IFT52: variants seen among roughly 807,000 people sequenced by gnomAD.
IFT52 encodes the protein intraflagellar transport 52.
In IFT52, 44 loss-of-function variants were observed where a neutral mutation model predicts 54.4. The ratio of observed to expected loss-of-function variants is 0.81; its 90% CI spans 0.63 to 1.04. The LOEUF (loss-of-function observed/expected upper bound fraction) is 1.04. Among genes scored for constraint, IFT52 ranks in the 50% least tolerant of loss-of-function variants. The pLI, the probability that IFT52 is intolerant of heterozygous loss-of-function variation, is 0.00. For synonymous variants in IFT52, 181 were observed against 185.3 expected (o/e 0.98, Z 0.19); for missense variants, 452 against 523.6 (o/e 0.86, Z 1.33).
chr20:43,595,257 C>G (rs1474200870), intron 2 of IFT52, among the ~76,000 whole-genome samples: 3 of 141,634 alleles, frequency 2.1e-5, no homozygotes, highest in African/African-American at 8.0e-5. Flanking sequence ...GCAGAGGTTG[C>G]AGTGAGCCGA....
At chr20:43,640,027 G>A (rs1187755074) in intron 12 of IFT52, among the ~76,000 whole-genome samples, 3 of 151,974 alleles carry the variant, frequency 2.0e-5, no homozygotes, top group Non-Finnish European at 2.9e-5. Flanking sequence ...AGCCGGGCAT[G>A]GTGGCTCACT....
chr20:43,615,705 A>G lies in IFT52; in HGVS notation c.612+1729A>G, dbSNP rs1318703593. Among the ~76,000 whole-genome samples the G allele has an allele frequency of 2.0e-5, 3 of 152,084 alleles. No individual in the cohort carries two copies. In the East Asian group the frequency reaches 5.8e-4, roughly 29 times the overall value. On this transcript the variant is annotated intron_variant, in intron 7 of 13. Transcript: ENST00000373030. ...TGTAATCCCAGCACTTTGGGAGGCC[A>G]AGGCGGGTGGATCACGAGGTCAGGA...
At chr20:43,606,826 A>G (rs1360181159) in intron 6 of IFT52, among the ~76,000 whole-genome samples, 2 of 152,180 alleles carry the variant, frequency 1.3e-5, no homozygotes, top group Admixed American at 1.3e-4. Flanking sequence ...TGTTTGACAA[A>G]GCACATCTTG....
intron 10 of IFT52, among the ~76,000 whole-genome samples, chr20:43,630,529 T>G (rs1292308040): frequency 1.3e-5 from 2 of 152,232 alleles, no homozygotes; most frequent in Non-Finnish European, 2.9e-5. Context: ...TTTTCTGAGT[T>G]AAAATTCAGT....
At chr20:43,612,346 A>G (rs1983520599) in intron 6 of IFT52, among the ~76,000 whole-genome samples, 1 of 152,100 alleles carries the variant, frequency 6.6e-6, no homozygotes, top group South Asian at 2.1e-4. Flanking sequence ...TCATAGTATG[A>G]CAACAAAAGT....
At chr20:43,634,226 TAGAAG>T (rs1018288220) in intron 10 of IFT52, among the ~76,000 whole-genome samples, 84 of 114,184 alleles carry the variant, frequency 7.4e-4, no homozygotes, top group South Asian at 2.8e-3. Context: ...AAAAAAAAAA[TAGAAG>T]AAGAAGAAAA....
intron 10 of IFT52, among the ~76,000 whole-genome samples, 198 bp from the exon 11 acceptor site, chr20:43,635,728 T>C (rs113656841): frequency 0.013 from 1,999 of 152,328 alleles, 49 homozygotes; most frequent in African/African-American, 0.046. Flanking sequence ...AGTGAACATA[T>C]GCATGCATGT....
chr20:43,609,523 A>G (rs1055340355), intron 6 of IFT52, among the ~76,000 whole-genome samples: 2 of 151,888 alleles, frequency 1.3e-5, no homozygotes, highest in African/African-American at 2.4e-5. Flanking sequence ...TGTAATCCCA[A>G]CACTTTGGGA....
At chr20:43,611,751 C>T (rs763445517) in intron 6 of IFT52, among the ~76,000 whole-genome samples, 10 of 151,818 alleles carry the variant, frequency 6.6e-5, no homozygotes, top group African/African-American at 1.2e-4. Flanking sequence ...GCAAATAGGC[C>T]GGTCACAGTG....
At chr20:43,595,265 C>T (rs184956681) in intron 2 of IFT52, among the ~76,000 whole-genome samples, 114 of 147,678 alleles carry the variant, frequency 7.7e-4, no homozygotes, top group African/African-American at 2.8e-3. Context: ...TGCAGTGAGC[C>T]GAGATTGTGC....
chr20:43,615,392 C>T (rs1983781739), intron 7 of IFT52, among the ~76,000 whole-genome samples: 1 of 152,192 alleles, frequency 6.6e-6, no homozygotes, highest in Non-Finnish European at 1.5e-5. Flanking sequence ...CATCTGCCCC[C>T]TAAGACAGAA....
chr20:43,600,833 T>G (rs1377548510), intron 3 of IFT52, among the ~76,000 whole-genome samples: 2 of 151,796 alleles, frequency 1.3e-5, no homozygotes, highest in Non-Finnish European at 2.9e-5. Flanking sequence ...TAGCCAGGTG[T>G]GGTGGCAGGC....
intron 1 of IFT52, among the ~76,000 whole-genome samples, chr20:43,591,758 A>G (rs1981540740): frequency 6.6e-6 from 1 of 152,162 alleles, no homozygotes; most frequent in Non-Finnish European, 1.5e-5. Flanking sequence ...AGCATAGAAG[A>G]TGGGTGCAGC....
chr20:43,620,066 G>A (rs766457426), intron 8 of IFT52, among the ~76,000 whole-genome samples: 2 of 151,506 alleles, frequency 1.3e-5, no homozygotes, highest in Non-Finnish European at 2.9e-5. Flanking sequence ...ATAGGTGTGC[G>A]CCACCACACC....
At chr20:43,623,850 T>A in intron 9 of IFT52, 41 bp from the exon 10 acceptor site, 1 of 1,597,496 alleles carries the variant, frequency 6.3e-7, no homozygotes, top group Non-Finnish European at 8.5e-7. Flanking sequence ...AATAAATGCT[T>A]GCTCTTGCTG....
intron 12 of IFT52, among the ~76,000 whole-genome samples, chr20:43,641,443 G>T (rs1315513818): frequency 6.6e-6 from 1 of 151,620 alleles, no homozygotes; most frequent in Non-Finnish European, 1.5e-5. Context: ...TCTCCATGTT[G>T]GTCAGGCTGG....
In IFT52 at chr20:43,620,583, G is replaced by C. The variant is rs112774877; in HGVS notation, c.700-274G>C. On this transcript the variant is annotated intron_variant, in intron 8 of 13. Transcript: ENST00000373030. ...AGACAGGAGAATCGCTTGAACCCAG[G>C]AGGTGGAGGTTGCAGTGAGCCAAGA... Among the ~76,000 whole-genome samples the C allele has an allele frequency of 7.7e-4, 118 of 152,304 alleles. 1 individual carries two copies. Among genetic ancestry groups the C allele is most frequent in the African/African-American group, 2.6e-3 (108 of 41,566 alleles).
chr20:43,614,932 C>T (rs1349305938), intron 7 of IFT52, among the ~76,000 whole-genome samples: 3 of 151,888 alleles, frequency 2.0e-5, no homozygotes, highest in African/African-American at 7.3e-5. Flanking sequence ...CCTCAGCCTC[C>T]CGAGTAGCTG....
At chr20:43,621,330 G>C (rs768403577) in intron 9 of IFT52, among the ~76,000 whole-genome samples, 2 of 152,114 alleles carry the variant, frequency 1.3e-5, no homozygotes, top group Non-Finnish European at 2.9e-5. Context: ...AGTTCTAAAG[G>C]CATTATAATA....
Sources: allele counts gnomAD v4.1 joint callset (sites outside exome capture counted in the v4.1 genomes callset), GRCh38; gene constraint gnomAD v4.1.1; transcripts MANE v1.5; gene names NCBI Gene and HGNC (gene_info 2026-07-23, HGNC 2026-07-21).